AHNAK2: variants seen among roughly 807,000 people sequenced by gnomAD.
AHNAK2 encodes the protein AHNAK nucleoprotein 2, also known as protein AHNAK2.
AHNAK2 carries 18 observed loss-of-function variants against 30.7 expected under a neutral mutation model. The observed-to-expected ratio is 0.59, with a 90% CI of 0.41 to 0.87. AHNAK2 has a LOEUF of 0.87. Ranked by LOEUF, AHNAK2 falls within the 40% of genes least tolerant of loss-of-function variation. The probability of loss-of-function intolerance (pLI) is 0.00; values close to 1 mark genes in which losing one functional copy is unlikely to be tolerated. For missense variants in AHNAK2, 8,604 were observed against 7,373.0 expected, an observed-to-expected ratio of 1.17 and a Z score of -6.11; for synonymous variants, 3,590 against 3,073.8, an observed-to-expected ratio of 1.17 and a Z score of -5.56.
In AHNAK2 at chr14:104,946,805, T is replaced by C. The variant is rs200865013; in HGVS notation, c.8646A>G (p.Pro2882=). ...CGGCTCCCTCGGGAACGTGGCCCTC[T>C]GGGAGTTTCACGTCCACCTGGCCAG... ...VQAGQVDVKL[P]EGHVPEGAGL... is the part of the protein sequence containing the mutation. The change falls in exon 7 of 7, where the codon CCA becomes CCG. Residue 2882 remains proline (P), a synonymous_variant. Coordinates refer to ENST00000333244, the MANE Select transcript of AHNAK2 (RefSeq NM_138420.4). 4.5e-3 allele frequency: 6,584 copies of C among 1,466,078 alleles called. 4 individuals carry two copies. Among genetic ancestry groups the C allele is most frequent in the African/African-American group, 0.044 (2,244 of 51,520 alleles). The allele number at this position is 1,466,078 out of a possible 1,614,324, so 90.8% of individuals were successfully genotyped here. A position where few individuals can be genotyped will look rare whatever the true frequency, so the allele number is the denominator to read the frequency against.
intron 1 of AHNAK2, among the ~76,000 whole-genome samples, chr14:104,971,343 G>A (rs1224820206): frequency 1.3e-5 from 2 of 152,104 alleles, no homozygotes; most frequent in East Asian, 1.9e-4. Flanking sequence ...TCATACGCAT[G>A]GGCTCAGGTG....
intron 1 of AHNAK2, among the ~76,000 whole-genome samples, chr14:104,961,742 G>A (rs1418329136): frequency 6.6e-6 from 1 of 152,236 alleles, no homozygotes; most frequent in African/African-American, 2.4e-5. Flanking sequence ...GGAGACCGAG[G>A]CAGGAGGAAC....
Position 104,941,169 on chromosome 14 carries a change from T to G in AHNAK2, c.14282A>C (p.Lys4761Thr), listed in dbSNP as rs1427189869. 6.2e-7 allele frequency: 1 copy of G among 1,613,548 alleles called. No individual in the cohort carries two copies. The highest frequency in any genetic ancestry group is 2.2e-5 in the East Asian group (1 of 44,882). ...ACSEPSMQMP[K>T]VGFAGFPSSR... ...TGATGGAAACCCAGCAAAACCCACC[T>G]TAGGCATCTGCATGGATGGCTCTGA... The change falls in exon 7 of 7, where the codon AAG becomes ACG. Residue 4761 changes from lysine to threonine, a missense_variant. Lys to Thr is a moderately conservative substitution (Grantham distance 78). Coordinates refer to ENST00000333244, the MANE Select transcript of AHNAK2 (RefSeq NM_138420.4).
In AHNAK2 at chr14:104,945,855, T is replaced by C; in HGVS notation, c.9596A>G (p.Gln3199Arg). 7.3e-7 allele frequency: 1 copy of C among 1,367,240 alleles called. No homozygotes were observed. Among genetic ancestry groups the C allele is most frequent in the Admixed American group, 1.8e-5 (1 of 54,986 alleles). 84.7% of individuals were successfully genotyped at this position (1,367,240 alleles called of 1,614,324 possible). Residue 3199 changes from glutamine (Q) to arginine (R), a missense_variant, in exon 7 of 7, where the codon CAA becomes CGA. By Grantham distance (43) the Gln-to-Arg change is conservative (BLOSUM62 1). Coordinates refer to ENST00000333244, the MANE Select transcript of AHNAK2 (RefSeq NM_138420.4). ...TDISIEPPSA[Q>R]LEVQAGQVDV... Reference sequence around the variant, plus strand: ...CACCTGGCCAGCCTGGACCTCCAGTTGGGCAGAGGGGGGCTCAATGCTGAT... The same window carrying C: ...CACCTGGCCAGCCTGGACCTCCAGTCGGGCAGAGGGGGGCTCAATGCTGAT...
chr14:104,967,952 C>T (rs1899353193), intron 1 of AHNAK2, among the ~76,000 whole-genome samples: 1 of 152,252 alleles, frequency 6.6e-6, no homozygotes, highest in African/African-American at 2.4e-5. Flanking sequence ...CCTTTGCCCG[C>T]CCGGCCTCCG....
rs58678761 is a variant in AHNAK2, at chr14:104,961,473, T to C, written c.56-3801A>G. Among the ~76,000 whole-genome samples, 518 of 148,336 alleles carry C rather than the reference T, an allele frequency of 3.5e-3. 3 individuals carry two copies. Among genetic ancestry groups the C allele is most frequent in the African/African-American group, 0.012 (478 of 39,904 alleles). ...GAGCCTGCAGTGAGCCGAGATCGCG[T>C]CACTGCACTCCAGCCTGGGTGACAG... On this transcript the variant is annotated intron_variant, in intron 1 of 6. Coordinates refer to ENST00000333244, the MANE Select transcript of AHNAK2 (RefSeq NM_138420.4).
chr14:104,950,499 A>C lies in AHNAK2; in HGVS notation c.4952T>G (p.Val1651Gly). 4 of 1,585,902 alleles carry C rather than the reference A, an allele frequency of 2.5e-6. No individual in the cohort carries two copies. The South Asian group carries it at 4.5e-5, about 18-fold the overall frequency. The change falls in exon 7 of 7, where the codon GTG (valine) becomes GGG (glycine). Residue 1651 changes from valine (V) to glycine (G), a missense_variant. Transcript: ENST00000333244. ...EGDLSLADKA[V>G]TAKDSKFKMP... ...TTTGAACTTGCTGTCTTTGGCAGTCACCGCCTTGTCGGCCAGGGACAGGTC... is the reference window on the plus strand; with the variant it reads ...TTTGAACTTGCTGTCTTTGGCAGTCCCCGCCTTGTCGGCCAGGGACAGGTC...
chr14:104,978,089 C>T lies in AHNAK2; in HGVS notation c.55+94G>A, dbSNP rs1014357231. Reference sequence around the variant, plus strand: ...TCTCCGAGTCCCCCGCCCCCAAGGCCCGCACTGCGCGCCCCTGGACACGCC... The same window carrying T: ...TCTCCGAGTCCCCCGCCCCCAAGGCTCGCACTGCGCGCCCCTGGACACGCC... On this transcript the variant is annotated intron_variant, in intron 1 of 6. Coordinates refer to ENST00000333244, the MANE Select transcript of AHNAK2 (RefSeq NM_138420.4). 1.6e-4 allele frequency: 173 copies of T among 1,052,764 alleles called. No individual in the cohort carries two copies. In the African/African-American group the frequency reaches 2.7e-3, roughly 16 times the overall value. The allele number at this position is 1,052,764 out of a possible 1,614,324, so 65.2% of individuals were successfully genotyped here. A position where few individuals can be genotyped will look rare whatever the true frequency, so the allele number is the denominator to read the frequency against.
At position 104,942,617 on chromosome 14, in the gene AHNAK2, C is replaced by T. The variant is rs772846145; in HGVS notation, c.12834G>A (p.Val4278=). Residue 4278 remains valine, a synonymous_variant, in exon 7 of 7, where the codon GTG becomes GTA. Coordinates refer to ENST00000333244, the MANE Select transcript of AHNAK2 (RefSeq NM_138420.4). ...VEAPGAKLDS[V]RLEGDLSLAD... The stretch of plus-strand genomic sequence containing the variant: ...CTAGGGACAGGTCACCCTCCAGCCG[C>T]ACACTGTCCAGCTTGGCTCCCGGGG... The T allele has an allele frequency of 1.3e-5, 21 of 1,613,148 alleles. 1 individual carries two copies. Among genetic ancestry groups the T allele is most frequent in the South Asian group, 6.6e-5 (6 of 90,980 alleles).
chr14:104,967,522 C>T (rs996892087), intron 1 of AHNAK2, among the ~76,000 whole-genome samples: 4 of 152,228 alleles, frequency 2.6e-5, no homozygotes, highest in East Asian at 1.9e-4. Context: ...GAGGAGGAGA[C>T]GTGACCAGCC....
rs1376983293 is a variant in AHNAK2 at position 104,945,917 on chromosome 14, G to C, written c.9534C>G (p.Ser3178Arg). 1.6e-6 allele frequency: 2 copies of C among 1,248,160 alleles called. No individual in the cohort carries two copies. The highest frequency in any genetic ancestry group is 4.5e-5 in the East Asian group (2 of 44,284). The allele number at this position is 1,248,160 out of a possible 1,614,324, so 77.3% of individuals were successfully genotyped here. Reference protein sequence around the residue: ...VSAPKVEADLSLPSMQGDLKN... With the variant: ...VSAPKVEADLRLPSMQGDLKN... ...TCAGGTCCCCCTGCATGGAGGGGAG[G>C]CTCAGGTCGGCCTCCACCTTTGGCG... The change falls in exon 7 of 7, where the codon AGC (serine) becomes AGG (arginine). Residue 3178 changes from serine to arginine, a missense_variant. By Grantham distance (110) the Ser-to-Arg change is moderately radical. Transcript: ENST00000333244.
chr14:104,974,590 T>A (rs1899551885), intron 1 of AHNAK2, among the ~76,000 whole-genome samples: 2 of 152,248 alleles, frequency 1.3e-5, no homozygotes, highest in Non-Finnish European at 2.9e-5. Context: ...CCCCTAAGGC[T>A]GCACTGGCCA....
chr14:104,955,669 G>A (rs559884667), intron 4 of AHNAK2, 36 bp from the exon 5 acceptor site: 6 of 1,600,320 alleles, frequency 3.7e-6, no homozygotes, highest in Middle Eastern at 1.7e-4. Context: ...TGGTGAGCAT[G>A]TGCCAGTCCC....
Position 104,967,921 on chromosome 14 carries a change from C to T in AHNAK2, c.56-10249G>A, listed in dbSNP as rs1043580829. Among the ~76,000 whole-genome samples the T allele has an allele frequency of 1.3e-4, 20 of 152,328 alleles. No individual in the cohort carries two copies. The East Asian group carries it at 2.9e-3, about 22-fold the overall frequency. On this transcript the variant is annotated intron_variant, in intron 1 of 6. Coordinates refer to ENST00000333244, the MANE Select transcript of AHNAK2 (RefSeq NM_138420.4). ...GCTCCTGAGGAAGCCCCGCCTCGGC[C>T]GCAGAGCGCAGGGGAGGCCGCCTTT...
rs777140241 is a variant in AHNAK2 at position 104,954,437 on chromosome 14, C to T, written c.1014G>A (p.Ser338=). 9 of 1,612,432 alleles carry T rather than the reference C, an allele frequency of 5.6e-6. No individual in the cohort carries two copies. Among genetic ancestry groups the T allele is most frequent in the African/African-American group, 4.0e-5 (3 of 74,880 alleles). The part of the protein sequence containing the change: ...FRTGSGQGPS[S]TGQPGRGFQS... Reference sequence around the variant, plus strand: ...GGAACCCCCTGCCTGGCTGTCCTGTCGATGAAGGGCCCTGTCCCGAGCCTG... The same window carrying T: ...GGAACCCCCTGCCTGGCTGTCCTGTTGATGAAGGGCCCTGTCCCGAGCCTG... Residue 338 remains serine (S), a synonymous_variant, in exon 7 of 7, where the codon TCG becomes TCA. Coordinates refer to ENST00000333244, the MANE Select transcript of AHNAK2 (RefSeq NM_138420.4). The surrounding 1 kb of genome is among the most constrained non-coding windows in gnomAD (Gnocchi z 4.3).
In AHNAK2 at chr14:104,947,514, C is replaced by T. The variant is rs757902355; in HGVS notation, c.7937G>A (p.Ser2646Asn). ...CTTGAACTTGGGCATTTTGAACTTG[C>T]TATCTTTGGCTGTCACACCCTTGTC... is the stretch of plus-strand genomic sequence containing the variant. ...LADKGVTAKD[S>N]KFKMPKFKMP... Residue 2646 changes from serine to asparagine, a missense_variant, in exon 7 of 7, where the codon AGC becomes AAC. Coordinates refer to ENST00000333244, the MANE Select transcript of AHNAK2 (RefSeq NM_138420.4). The T allele has an allele frequency of 2.5e-6, 4 of 1,612,462 alleles. No homozygotes were observed. In the African/African-American group the frequency reaches 4.0e-5, roughly 16 times the overall value.
rs953174717 is a variant in AHNAK2, at chr14:104,937,672, G to A, written c.*391C>T. The A allele has an allele frequency of 5.7e-6, 1 of 176,132 alleles. No homozygotes were observed. Among genetic ancestry groups the A allele is most frequent in the African/African-American group, 2.4e-5 (1 of 42,394 alleles). 10.9% of individuals were successfully genotyped at this position (176,132 alleles called of 1,614,324 possible). A position where few individuals can be genotyped will look rare whatever the true frequency, so the allele number is the denominator to read the frequency against. ...GCAGGAAAGAAGTTATACCAAAAAC[G>A]ACTTGTACACCACAGACATTATAAC... On this transcript the variant is annotated 3_prime_UTR_variant, in exon 7 of 7. Transcript: ENST00000333244.
At position 104,943,174 on chromosome 14, in the gene AHNAK2, T is replaced by C. The variant is rs186542612; in HGVS notation, c.12277A>G (p.Lys4093Glu). 2.3e-3 allele frequency: 3,744 copies of C among 1,610,996 alleles called. 11 individuals are homozygous for C. Among genetic ancestry groups the C allele is most frequent in the Non-Finnish European group, 3.0e-3 (3,523 of 1,178,732 alleles). Reference protein sequence around the residue: ...PKAEVTAPDVKMSLSSMEVDV... With the variant: ...PKAEVTAPDVEMSLSSMEVDV... ...ACCTCCATGCTGGACAGAGACATCT[T>C]CACATCAGGGGCTGTCACTTCCGCC... Residue 4093 changes from lysine (K) to glutamate (E), a missense_variant, in exon 7 of 7, where the codon AAG becomes GAG. By Grantham distance (56) the Lys-to-Glu change is moderately conservative (BLOSUM62 1). Coordinates refer to ENST00000333244, the MANE Select transcript of AHNAK2 (RefSeq NM_138420.4).
chr14:104,939,431 C>G lies in AHNAK2; in HGVS notation c.16020G>C (p.Met5340Ile). 1 of 1,613,436 alleles carries G rather than the reference C, an allele frequency of 6.2e-7. No homozygotes were observed. The highest frequency in any genetic ancestry group is 8.5e-7 in the Non-Finnish European group (1 of 1,179,764). The part of the protein sequence containing the change: ...LSKPGHDLAS[M>I]EDKTEKWSSQ... ...AAGACCATTTCTCTGTTTTATCCTC[C>G]ATGCTGGCAAGGTCATGTCCTGGCT... Residue 5340 changes from methionine to isoleucine, a missense_variant, in exon 7 of 7, where the codon ATG (methionine) becomes ATC (isoleucine). Physicochemically the swap from Met to Ile is conservative, Grantham distance 10. Transcript: ENST00000333244.
Sources: gnomAD v4.1 joint callset for allele counts (sites outside exome capture counted in the v4.1 genomes callset) on GRCh38, gnomAD v4.1.1 for gene constraint, Gnocchi (gnomAD v3.1) non-coding constraint, MANE v1.5 for transcripts, NCBI Gene and HGNC (gene_info 2026-07-23, HGNC 2026-07-21) for gene names.